The following PCDH15 variants were observed in gnomAD, a reference collection of about 807,000 sequenced individuals.
PCDH15 encodes protocadherin-15.
A neutral mutation model predicts 178.5 loss-of-function variants in PCDH15; 129 were observed. The ratio of observed to expected loss-of-function variants is 0.72; its 90% CI spans 0.63 to 0.84. The LOEUF (loss-of-function observed/expected upper bound fraction) is 0.84, where lower values mean the gene tolerates loss of function less well. PCDH15 is among the 40% of genes least tolerant of loss of function. The pLI is 0.00. For synonymous variants in PCDH15, 800 were observed against 732.0 expected, an observed-to-expected ratio of 1.09 and a Z score of -1.50; for missense variants, 2,230 against 2,099.9, an observed-to-expected ratio of 1.06 and a Z score of -1.21.
intron 1 of PCDH15, among the ~76,000 whole-genome samples, chr10:55,171,566 G>C (rs1446397759): frequency 6.6e-6 from 1 of 152,034 alleles, no homozygotes; most frequent in Non-Finnish European, 1.5e-5. Flanking sequence ...AAGAAAAATG[G>C]AAAGAAATTT....
chr10:54,094,932 C>T (rs1432299340), intron 15 of PCDH15, among the ~76,000 whole-genome samples: 1 of 152,104 alleles, frequency 6.6e-6, no homozygotes, highest in Non-Finnish European at 1.5e-5. Flanking sequence ...TTCTTAGACA[C>T]TGGCAAATGG....
At position 53,854,769 on chromosome 10, in the gene PCDH15, C is replaced by T. The variant is rs578095970; in HGVS notation, c.3806+2406G>A. Among the ~76,000 whole-genome samples the T allele has an allele frequency of 2.2e-3, 335 of 152,158 alleles. 1 individual carries two copies. The highest frequency in any genetic ancestry group is 6.5e-3 in the African/African-American group (272 of 41,542). On this transcript the variant is annotated intron_variant, in intron 28 of 37. Transcript: ENST00000644397. Reference sequence around the variant, plus strand: ...GTCATACTTTCTATTGTCCTAGATACATTATATAATTCAGTTTTCAAAATA... The same window carrying T: ...GTCATACTTTCTATTGTCCTAGATATATTATATAATTCAGTTTTCAAAATA...
At chr10:55,535,100 T>C (rs1264595311) in intron 2 of PCDH15, among the ~76,000 whole-genome samples, 3 of 152,076 alleles carry the variant, frequency 2.0e-5, no homozygotes, top group Non-Finnish European at 4.4e-5. Context: ...ACCTATTGGG[T>C]ACTCTTCTCA....
intron 3 of PCDH15, among the ~76,000 whole-genome samples, chr10:54,879,815 A>C (rs1362769011): frequency 6.6e-6 from 1 of 151,968 alleles, no homozygotes; most frequent in Non-Finnish European, 1.5e-5. Flanking sequence ...TATTGATCTT[A>C]ATTTTATAGC....
At chr10:54,553,447 G>A (rs1002946041) in intron 2 of PCDH15, among the ~76,000 whole-genome samples, 1 of 152,198 alleles carries the variant, frequency 6.6e-6, no homozygotes, top group African/African-American at 2.4e-5. Context: ...GACTTTTTCT[G>A]TGATCTGTTT....
chr10:54,633,151 A>G (rs2093749100), intron 2 of PCDH15, among the ~76,000 whole-genome samples: 1 of 152,086 alleles, frequency 6.6e-6, no homozygotes, highest in Non-Finnish European at 1.5e-5. Context: ...ATTTCTGTGG[A>G]AGGAGTTAAA....
At chr10:54,258,136 A>G (rs1204434949) in intron 8 of PCDH15, among the ~76,000 whole-genome samples, 1 of 152,148 alleles carries the variant, frequency 6.6e-6, no homozygotes, top group East Asian at 1.9e-4. Flanking sequence ...CATTTCTGCC[A>G]GTGATGAAAA....
intron 2 of PCDH15, among the ~76,000 whole-genome samples, chr10:55,078,387 C>T (rs1377355355): frequency 6.6e-6 from 1 of 152,144 alleles, no homozygotes; most frequent in African/African-American, 2.4e-5. Context: ...AAGTTTTCAT[C>T]TATTATTCAT....
chr10:54,888,174 A>G (rs1368740101), intron 3 of PCDH15, among the ~76,000 whole-genome samples: 5 of 152,122 alleles, frequency 3.3e-5, no homozygotes, highest in Admixed American at 3.3e-4. Context: ...GGGCTCTGTT[A>G]AACCTTTTCC....
At chr10:53,817,190 T>C (rs2076090178) in intron 34 of PCDH15, among the ~76,000 whole-genome samples, 1 of 152,168 alleles carries the variant, frequency 6.6e-6, no homozygotes, top group African/African-American at 2.4e-5. Flanking sequence ...TTATAATGAA[T>C]TCTAAACTAC....
chr10:54,348,956 A>G (rs950428911), intron 5 of PCDH15, among the ~76,000 whole-genome samples: 1 of 152,180 alleles, frequency 6.6e-6, no homozygotes, highest in Non-Finnish European at 1.5e-5. Context: ...TTCACTTAAC[A>G]TAATGTCTTC....
At chr10:54,180,736 G>A (rs1314761273) in intron 13 of PCDH15, among the ~76,000 whole-genome samples, 2 of 152,088 alleles carry the variant, frequency 1.3e-5, no homozygotes, top group African/African-American at 4.8e-5. Context: ...GTTTTATAGC[G>A]AGACCATTCT....
At chr10:54,349,234 AT>A (rs1943801284) in intron 5 of PCDH15, among the ~76,000 whole-genome samples, 1 of 152,174 alleles carries the variant, frequency 6.6e-6, no homozygotes, top group Non-Finnish European at 1.5e-5. Context: ...GACCAGATTT[AT>A]TTTGAAGAGC....
intron 18 of PCDH15, among the ~76,000 whole-genome samples, chr10:54,048,250 ATTTC>A (rs1384890426): frequency 6.6e-6 from 1 of 151,726 alleles, no homozygotes; most frequent in East Asian, 1.9e-4. Flanking sequence ...TAATGGCCTT[ATTTC>A]TTTTTTGTTT....
At chr10:55,277,247 A>G (rs1842617992) in intron 1 of PCDH15, among the ~76,000 whole-genome samples, 1 of 152,094 alleles carries the variant, frequency 6.6e-6, no homozygotes, top group Non-Finnish European at 1.5e-5. Context: ...ACACCAAAAC[A>G]GAAATCTAAG....
chr10:55,001,368 C>T (rs933418318), intron 2 of PCDH15, among the ~76,000 whole-genome samples: 3 of 152,154 alleles, frequency 2.0e-5, no homozygotes, highest in African/African-American at 7.2e-5. Context: ...TAAAATACCC[C>T]CTGCTCTACA....
At chr10:54,778,289 A>C (rs1949921556) in intron 1 of PCDH15, among the ~76,000 whole-genome samples, 1 of 152,184 alleles carries the variant, frequency 6.6e-6, no homozygotes, top group Non-Finnish European at 1.5e-5. Flanking sequence ...TCTAGTGTTG[A>C]GAGACACATT....
chr10:55,596,988 A>G (rs919043117), intron 2 of PCDH15: 1 of 152,166 alleles, frequency 6.6e-6, no homozygotes, highest in Non-Finnish European at 1.5e-5. Context: ...GACAACCTAC[A>G]AACTGGGAGA....
chr10:54,907,698 G>A (rs557047295), intron 2 of PCDH15, among the ~76,000 whole-genome samples: 2 of 152,222 alleles, frequency 1.3e-5, no homozygotes, highest in South Asian at 4.1e-4. Flanking sequence ...AATAGTTTAT[G>A]TCTGTAAGCA....
Sources: allele counts gnomAD v4.1 joint callset (sites outside exome capture counted in the v4.1 genomes callset), GRCh38; gene constraint gnomAD v4.1.1; transcripts MANE v1.5; gene names NCBI Gene and HGNC (gene_info 2026-07-23, HGNC 2026-07-21).